Variants in SNX9 observed in about 807,000 individuals in gnomAD.
SNX9 encodes sorting nexin 9.
SNX9 carries 44 observed loss-of-function variants against 89.4 expected under a neutral mutation model. The ratio of observed to expected loss-of-function variants is 0.49; its 90% confidence interval spans 0.39 to 0.63. SNX9 has a LOEUF of 0.63. Ranked by LOEUF, SNX9 falls within the 30% of genes least tolerant of loss-of-function variation. The probability of loss-of-function intolerance (pLI) is 0.00; values close to 1 mark genes in which losing one functional copy is unlikely to be tolerated. For synonymous variants in SNX9, 236 were observed against 247.8 expected, an observed-to-expected ratio of 0.95 and a Z score of 0.45; for missense variants, 578 against 736.1, an observed-to-expected ratio of 0.79 and a Z score of 2.49.
At chr6:157,903,443 T>C (rs1397137385) in intron 6 of SNX9, among the ~76,000 whole-genome samples, 1 of 152,198 alleles carries the variant, frequency 6.6e-6, no homozygotes, top group African/African-American at 2.4e-5. Context: ...TCCTGCTCAA[T>C]TGCATGCATA....
intron 1 of SNX9, among the ~76,000 whole-genome samples, chr6:157,846,095 T>C (rs567225197): frequency 6.6e-6 from 1 of 152,232 alleles, no homozygotes; most frequent in Non-Finnish European, 1.5e-5. Context: ...GAGATTGTCT[T>C]CGGCTTCTCT....
At chr6:157,926,074 T>G (rs1783685740) in intron 10 of SNX9, among the ~76,000 whole-genome samples, 2 of 152,206 alleles carry the variant, frequency 1.3e-5, no homozygotes, top group African/African-American at 4.8e-5. Context: ...TAATCACTTC[T>G]TAAAGGCCCC....
intron 5 of SNX9, among the ~76,000 whole-genome samples, chr6:157,898,050 T>C (rs572157351): frequency 6.6e-6 from 1 of 152,314 alleles, no homozygotes; most frequent in Admixed American, 6.5e-5. Context: ...GAACAAAAGA[T>C]ACACCTTGCA....
At chr6:157,881,449 T>G (rs1782621847) in intron 4 of SNX9, among the ~76,000 whole-genome samples, 1 of 152,038 alleles carries the variant, frequency 6.6e-6, no homozygotes, top group Non-Finnish European at 1.5e-5. Context: ...AGTGTTTCAG[T>G]GAAAGGAAGA....
intron 9 of SNX9, among the ~76,000 whole-genome samples, chr6:157,915,514 G>A (rs561134649): frequency 9.3e-5 from 14 of 150,512 alleles, no homozygotes; most frequent in East Asian, 3.9e-4. Context: ...GGCCAGGCGC[G>A]GTGGCTCATG....
At chr6:157,892,759 C>T (rs1366877487) in intron 4 of SNX9, 2 of 152,212 alleles carry the variant, frequency 1.3e-5, no homozygotes, top group Non-Finnish European at 2.9e-5. Flanking sequence ...GAACTGTCTT[C>T]TGGAAGGCCC....
chr6:157,834,144 A>C (rs1193261462), intron 1 of SNX9, among the ~76,000 whole-genome samples: 5 of 103,266 alleles, frequency 4.8e-5, no homozygotes, highest in Non-Finnish European at 5.4e-5. Context: ...TGTGGTGTCC[A>C]CTGTGGTTTT....
chr6:157,872,675 A>T (rs936235265), intron 2 of SNX9: 1 of 154,128 alleles, frequency 6.5e-6, no homozygotes, highest in African/African-American at 2.4e-5. Flanking sequence ...AGTGTGCAGA[A>T]GCCCTTGAGG....
chr6:157,824,972 G>C (rs952094396), intron 1 of SNX9, among the ~76,000 whole-genome samples: 2 of 152,294 alleles, frequency 1.3e-5, no homozygotes, highest in African/African-American at 4.8e-5. Flanking sequence ...GGCCGGGCGC[G>C]GTGGCTCACT....
chr6:157,837,466 A>G (rs1781608953), intron 1 of SNX9, among the ~76,000 whole-genome samples: 1 of 152,268 alleles, frequency 6.6e-6, no homozygotes, highest in Admixed American at 6.5e-5. Context: ...TAAATTACTT[A>G]TAAGTCAGAT....
intron 4 of SNX9, among the ~76,000 whole-genome samples, chr6:157,895,905 C>G (rs959604880): frequency 3.3e-5 from 5 of 152,194 alleles, no homozygotes; most frequent in Non-Finnish European, 7.4e-5. Flanking sequence ...CTGATTTTTT[C>G]TCGAGAACAG....
chr6:157,891,027 C>CTTTTTT lies in SNX9; in HGVS notation c.301-5783_301-5778dup, dbSNP rs67186551. Among the ~76,000 whole-genome samples, 363 of 114,884 alleles carry CTTTTTT rather than the reference C, an allele frequency of 3.2e-3. 1 individual carries two copies. Among genetic ancestry groups the CTTTTTT allele is most frequent in the South Asian group, 5.1e-3 (17 of 3,334 alleles). The allele number at this position is 114,884 out of a possible 152,430, so 75.4% of individuals were successfully genotyped here. On this transcript the variant is annotated intron_variant, in intron 4 of 17. Coordinates refer to ENST00000392185, the MANE Select transcript of SNX9 (RefSeq NM_016224.5). ...ATGCTAAAAATTCTTTTTTCTTTCTCTTTTTTTTTTTTTTTTTTTTTTGAG... is the reference window on the plus strand; with the variant it reads ...ATGCTAAAAATTCTTTTTTCTTTCTCTTTTTTTTTTTTTTTTTTTTTTTTTTTTGAG...
chr6:157,848,760 C>G (rs1458779192), intron 1 of SNX9, among the ~76,000 whole-genome samples: 1 of 152,216 alleles, frequency 6.6e-6, no homozygotes, highest in African/African-American at 2.4e-5. Context: ...CCACAAGCAA[C>G]GATAGTACAG....
intron 4 of SNX9, among the ~76,000 whole-genome samples, chr6:157,884,382 C>A (rs1401531543): frequency 6.6e-6 from 1 of 152,116 alleles, no homozygotes; most frequent in African/African-American, 2.4e-5. Flanking sequence ...TCTCAAAAGT[C>A]TATTTTTAGG....
rs1781272814 is a variant in SNX9, at chr6:157,823,356, C to G, written c.-79C>G. 4.0e-6 allele frequency: 5 copies of G among 1,245,444 alleles called. No individual in the cohort carries two copies. Among genetic ancestry groups the G allele is most frequent in the Non-Finnish European group, 5.1e-6 (5 of 983,196 alleles). The allele number at this position is 1,245,444 out of a possible 1,614,324, so 77.1% of individuals were successfully genotyped here. Reference sequence around the variant, plus strand: ...CCGGAGCCGCCGCCCTCGCCCTTGCCTTTGCCTGCGCGGCTCAGAATCACC... The same window carrying G: ...CCGGAGCCGCCGCCCTCGCCCTTGCGTTTGCCTGCGCGGCTCAGAATCACC... On this transcript the variant is annotated 5_prime_UTR_variant, in exon 1 of 18. Coordinates refer to ENST00000392185, the MANE Select transcript of SNX9 (RefSeq NM_016224.5). The surrounding 1 kb of genome is among the most constrained non-coding windows in gnomAD (Gnocchi z 4.6).
intron 5 of SNX9, among the ~76,000 whole-genome samples, chr6:157,900,738 G>C (rs979181609): frequency 6.6e-6 from 1 of 152,220 alleles, no homozygotes; most frequent in African/African-American, 2.4e-5. Context: ...TATAGTGTAT[G>C]CATCAGTAAT....
intron 4 of SNX9, among the ~76,000 whole-genome samples, chr6:157,891,671 G>T (rs924791187): frequency 1.3e-5 from 2 of 152,224 alleles, no homozygotes; most frequent in African/African-American, 4.8e-5. Flanking sequence ...TGATTCACTG[G>T]TGGGACTGAC....
At chr6:157,876,858 T>C (rs1051930046) in intron 4 of SNX9, among the ~76,000 whole-genome samples, 2 of 152,248 alleles carry the variant, frequency 1.3e-5, no homozygotes, top group African/African-American at 4.8e-5. Flanking sequence ...GCCAGTCACA[T>C]GCACGCCACC....
At chr6:157,844,708 C>T (rs1055240580) in intron 1 of SNX9, among the ~76,000 whole-genome samples, 1 of 151,454 alleles carries the variant, frequency 6.6e-6, no homozygotes, top group African/African-American at 2.4e-5. Flanking sequence ...GTTCTCCTGC[C>T]TCAGCCTCCT....
Sources: allele counts gnomAD v4.1 joint callset (sites outside exome capture counted in the v4.1 genomes callset), GRCh38; gene constraint gnomAD v4.1.1; non-coding constraint Gnocchi (gnomAD v3.1); transcripts MANE v1.5; gene names NCBI Gene and HGNC (gene_info 2026-07-23, HGNC 2026-07-21).